The following CAMK1D variants were observed in gnomAD, a reference collection of about 807,000 sequenced individuals.
The protein encoded by CAMK1D is calcium/calmodulin dependent protein kinase ID, also known as calcium/calmodulin-dependent protein kinase type 1D.
CAMK1D carries 9 observed loss-of-function variants against 47.7 expected under a neutral mutation model. The ratio of observed to expected loss-of-function variants is 0.19; its 90% CI spans 0.11 to 0.33. The LOEUF (loss-of-function observed/expected upper bound fraction) is 0.33. CAMK1D is among the 10% of genes least tolerant of loss of function. The pLI, the probability that CAMK1D is intolerant of heterozygous loss-of-function variation, is 1.00. For missense variants in CAMK1D, 291 were observed against 488.7 expected, an observed-to-expected ratio of 0.60 and a Z score of 3.81; for synonymous variants, 184 against 184.9, an observed-to-expected ratio of 0.99 and a Z score of 0.04.
Position 12,828,786 on chromosome 10 carries a change from C to G in CAMK1D, c.1057C>G (p.Leu353Val). The change falls in exon 11 of 11, where the codon CTC (leucine) becomes GTC (valine). Residue 353 changes from leucine (L) to valine (V), a missense_variant. Leu to Val is a conservative substitution (Grantham distance 32, BLOSUM62 1). Around this residue, in one of 2 missense-constraint regions of CAMK1D, gnomAD observed 72 missense variants for 64.4 expected, o/e 1.12. Coordinates refer to ENST00000619168, the MANE Select transcript of CAMK1D (RefSeq NM_153498.4). Reference protein sequence around the residue: ...SQKDCLAPSTLCSFISSSSGV... With the variant: ...SQKDCLAPSTVCSFISSSSGV... ...CCCTGCAGGTCTGGCACCTTCCACG[C>G]TCTGTAGTTTCATTTCTTCTTCGTC... The G allele has an allele frequency of 6.2e-7, 1 of 1,613,842 alleles. No individual in the cohort carries two copies. Among genetic ancestry groups the G allele is most frequent in the African/African-American group, 1.3e-5 (1 of 75,044 alleles).
intron 8 of CAMK1D, among the ~76,000 whole-genome samples, chr10:12,818,985 C>T (rs1285309996): frequency 6.6e-6 from 1 of 152,162 alleles, no homozygotes; most frequent in Non-Finnish European, 1.5e-5. Flanking sequence ...AGCTGTAAGA[C>T]TTTTGAGATT....
intron 3 of CAMK1D, among the ~76,000 whole-genome samples, chr10:12,749,525 ATGTTTGTT>A (rs751098053): frequency 6.6e-5 from 9 of 135,894 alleles, no homozygotes; most frequent in Non-Finnish European, 7.9e-5. Context: ...GAAAGTGTGG[ATGTTTGTT>A]TGTTTGTTTG....
At chr10:12,548,856 T>C (rs1836488505) in intron 1 of CAMK1D, among the ~76,000 whole-genome samples, 1 of 152,048 alleles carries the variant, frequency 6.6e-6, no homozygotes, top group African/African-American at 2.4e-5. Flanking sequence ...CCAGAAACTT[T>C]TTATTTTTTA....
intron 2 of CAMK1D, among the ~76,000 whole-genome samples, chr10:12,602,895 G>GTTGTTATTATTA (rs150080599): frequency 3.7e-5 from 5 of 134,396 alleles, no homozygotes; most frequent in Non-Finnish European, 6.2e-5. Flanking sequence ...CTAACTGCTT[G>GTTGTTATTATTA]TTATTATTAT....
At chr10:12,450,325 G>A (rs900857483) in intron 1 of CAMK1D, among the ~76,000 whole-genome samples, 5 of 152,232 alleles carry the variant, frequency 3.3e-5, no homozygotes, top group Middle Eastern at 3.4e-3. Flanking sequence ...CAGTCTCTTC[G>A]TGTGGGGAAT....
Position 12,553,445 on chromosome 10 carries a change from G to A in CAMK1D, c.224+89G>A, listed in dbSNP as rs751423327. 2.2e-5 allele frequency: 23 copies of A among 1,067,334 alleles called. No individual in the cohort carries two copies. The South Asian group carries it at 2.3e-4, about 10-fold the overall frequency. The allele number at this position is 1,067,334 out of a possible 1,614,324, so 66.1% of individuals were successfully genotyped here. Reference sequence around the variant, plus strand: ...CCTGCCCCGGAGGCAGACTTTCCCCGGGGGCAGAGGGGCCCCCAGAGGACC... The same window carrying A: ...CCTGCCCCGGAGGCAGACTTTCCCCAGGGGCAGAGGGGCCCCCAGAGGACC... On this transcript the variant is annotated intron_variant, in intron 2 of 10. Transcript: ENST00000619168.
At chr10:12,383,139 G>A (rs746762478) in intron 1 of CAMK1D, among the ~76,000 whole-genome samples, 1 of 151,978 alleles carries the variant, frequency 6.6e-6, no homozygotes, top group Admixed American at 6.6e-5. Context: ...CATAATCCAG[G>A]TTTCCGGGTG....
In CAMK1D at chr10:12,561,196, C is replaced by T. The variant is rs548608714; in HGVS notation, c.224+7840C>T. ...CCTCCCAAAGTGCTGGGATTACAGG[C>T]GTGATTTCAAATAAAACCATGCAAT... On this transcript the variant is annotated intron_variant, in intron 2 of 10. Coordinates refer to ENST00000619168, the MANE Select transcript of CAMK1D (RefSeq NM_153498.4). 2.0e-5 allele frequency among the ~76,000 whole-genome samples: 3 copies of T among 152,062 alleles called. No individual in the cohort carries two copies. The South Asian group carries it at 6.2e-4, about 32-fold the overall frequency.
At chr10:12,722,543 G>A (rs1245620261) in intron 3 of CAMK1D, among the ~76,000 whole-genome samples, 1 of 147,902 alleles carries the variant, frequency 6.8e-6, no homozygotes, top group Non-Finnish European at 1.5e-5. Context: ...ATAGAAATTT[G>A]CCCTTCAGCA....
chr10:12,370,797 G>A (rs1390158171), intron 1 of CAMK1D, among the ~76,000 whole-genome samples: 1 of 152,024 alleles, frequency 6.6e-6, no homozygotes, highest in Non-Finnish European at 1.5e-5. Context: ...TAGTAGAGAC[G>A]GGGTTTCACC....
chr10:12,382,717 C>T (rs753452727), intron 1 of CAMK1D, among the ~76,000 whole-genome samples: 7 of 151,984 alleles, frequency 4.6e-5, no homozygotes, highest in East Asian at 1.9e-4. Context: ...CTGAGCTACT[C>T]GGGAGACTGA....
At chr10:12,499,441 T>C (rs769698103) in intron 1 of CAMK1D, among the ~76,000 whole-genome samples, 33 of 151,942 alleles carry the variant, frequency 2.2e-4, no homozygotes, top group Non-Finnish European at 3.2e-4. Flanking sequence ...AAAAATCAAA[T>C]GAAAAAAGAA....
intron 1 of CAMK1D, among the ~76,000 whole-genome samples, chr10:12,443,249 A>G (rs1409140678): frequency 2.0e-5 from 3 of 152,130 alleles, no homozygotes; most frequent in African/African-American, 7.2e-5. Flanking sequence ...TTCAGTATTC[A>G]TGGAACAGAT....
intron 1 of CAMK1D, among the ~76,000 whole-genome samples, chr10:12,421,487 A>C (rs534863975): frequency 1.2e-4 from 15 of 127,366 alleles, no homozygotes; most frequent in African/African-American, 4.4e-4. Context: ...TCCCTTGGTC[A>C]TGCTGGGCCA....
intron 3 of CAMK1D, among the ~76,000 whole-genome samples, chr10:12,746,236 T>A (rs559898157): frequency 2.0e-5 from 3 of 150,608 alleles, no homozygotes; most frequent in African/African-American, 7.5e-5. Context: ...TGGTGACAGG[T>A]GCCTGTAGTC....
intron 4 of CAMK1D, among the ~76,000 whole-genome samples, chr10:12,766,755 G>C (rs1266771776): frequency 6.6e-6 from 1 of 152,094 alleles, no homozygotes; most frequent in East Asian, 1.9e-4. Flanking sequence ...CTGTCAGTGG[G>C]GGTGGGGTGG....
intron 5 of CAMK1D, among the ~76,000 whole-genome samples, chr10:12,780,999 G>A (rs548954316): frequency 4.4e-4 from 67 of 152,314 alleles, no homozygotes; most frequent in Middle Eastern, 3.4e-3. Flanking sequence ...GCACGTGGGC[G>A]ACGTAAACCC....
intron 6 of CAMK1D, among the ~76,000 whole-genome samples, chr10:12,803,547 C>A (rs1022268221): frequency 2.0e-5 from 3 of 151,974 alleles, no homozygotes; most frequent in African/African-American, 7.3e-5. Flanking sequence ...CCCAGCTACT[C>A]GGGAGGCTGA....
intron 3 of CAMK1D, among the ~76,000 whole-genome samples, chr10:12,688,730 G>T (rs1386688973): frequency 6.6e-6 from 1 of 152,052 alleles, no homozygotes; most frequent in Non-Finnish European, 1.5e-5. Context: ...TGTCGCCCAG[G>T]CTGGAGTGCA....
Sources: gnomAD v4.1 joint callset for allele counts (sites outside exome capture counted in the v4.1 genomes callset) on GRCh38, gnomAD v4.1.1 for gene constraint, gnomAD v4.1.1 regional missense constraint, MANE v1.5 for transcripts, NCBI Gene and HGNC (gene_info 2026-07-23, HGNC 2026-07-21) for gene names.